USP47: variants seen among roughly 807,000 people sequenced by gnomAD.
USP47 encodes the protein ubiquitin carboxyl-terminal hydrolase 47.
In USP47, 35 loss-of-function variants were observed where a neutral mutation model predicts 165.1. That is an observed-to-expected ratio of 0.21 (90% CI 0.16 to 0.28). USP47 has a LOEUF of 0.28. Among genes scored for constraint, USP47 ranks in the 10% least tolerant of loss-of-function variants. The pLI, the probability that USP47 is intolerant of heterozygous loss-of-function variation, is 1.00. For missense variants in USP47, 1,277 were observed against 1,607.4 expected (o/e 0.79, Z 3.52); for synonymous variants, 531 against 544.5 (o/e 0.98, Z 0.35).
chr11:11,934,302 G>A (rs188481310), intron 16 of USP47, among the ~76,000 whole-genome samples: 5 of 152,260 alleles, frequency 3.3e-5, no homozygotes, highest in Admixed American at 1.3e-4. Context: ...TGAACAAGGC[G>A]TGGTCACTGC....
chr11:11,897,534 T>G, intron 4 of USP47, 63 bp from the exon 5 acceptor site: 1 of 1,189,444 alleles, frequency 8.4e-7, no homozygotes, highest in Non-Finnish European at 1.2e-6. Context: ...TAAATTCTTA[T>G]TATGTTTTTG....
At chr11:11,887,340 T>C (rs1324567154) in intron 3 of USP47, among the ~76,000 whole-genome samples, 3 of 152,108 alleles carry the variant, frequency 2.0e-5, no homozygotes, top group Non-Finnish European at 2.9e-5. Context: ...ACCCATCTCA[T>C]GTGCAAAGAC....
At chr11:11,860,805 A>G (rs907472900) in intron 1 of USP47, among the ~76,000 whole-genome samples, 2 of 152,220 alleles carry the variant, frequency 1.3e-5, no homozygotes, top group African/African-American at 2.4e-5. Context: ...TACCTACAGT[A>G]TATTATCAGT....
At chr11:11,854,251 A>G (rs1172093029) in intron 1 of USP47, among the ~76,000 whole-genome samples, 1 of 147,204 alleles carries the variant, frequency 6.8e-6, no homozygotes, top group Non-Finnish European at 1.5e-5. Flanking sequence ...TGGCATTTGA[A>G]AAATTCTGCT....
intron 1 of USP47, among the ~76,000 whole-genome samples, chr11:11,842,837 CT>C (rs1564846895): frequency 8.4e-6 from 1 of 119,544 alleles, no homozygotes; most frequent in East Asian, 2.7e-4. Flanking sequence ...GAGAGCTGAA[CT>C]CTTTTTTTTT....
chr11:11,842,262 G>A, intron 1 of USP47, 38 bp downstream of exon 1: 1 of 1,547,492 alleles, frequency 6.5e-7, no homozygotes, highest in Non-Finnish European at 8.7e-7. Flanking sequence ...TTAGGCCTGC[G>A]GCCGCTCGAG....
Position 11,930,641 on chromosome 11 carries a change from G to A in USP47, c.1596-55G>A, listed in dbSNP as rs7113259. On this transcript the variant is annotated intron_variant, in intron 13 of 27. Transcript: ENST00000527733. ...ATTTAAATATTTCATGCTTAGAAGTGGAATCTTTTTAATCTACTTTTTGTC... is the reference window on the plus strand; with the variant it reads ...ATTTAAATATTTCATGCTTAGAAGTAGAATCTTTTTAATCTACTTTTTGTC... 9,808 of 1,277,468 alleles carry A rather than the reference G, an allele frequency of 7.7e-3. 148 individuals are homozygous for A. The highest frequency in any genetic ancestry group is 0.055 in the African/African-American group (3,628 of 66,018). The allele number at this position is 1,277,468 out of a possible 1,614,324, so 79.1% of individuals were successfully genotyped here.
Position 11,878,037 on chromosome 11 carries a change from C to T in USP47, c.40-2140C>T, listed in dbSNP as rs374217142. On this transcript the variant is annotated intron_variant, in intron 1 of 27. Coordinates refer to ENST00000527733, the MANE Select transcript of USP47 (RefSeq NM_001282659.2). Reference sequence around the variant, plus strand: ...CTATTACTAAAAAGAATATAAGCCACACATGAGATTGAATTTTGTTTTTTT... The same window carrying T: ...CTATTACTAAAAAGAATATAAGCCATACATGAGATTGAATTTTGTTTTTTT... Among the ~76,000 whole-genome samples, 13 of 151,930 alleles carry T rather than the reference C, an allele frequency of 8.6e-5. No homozygotes were observed. The South Asian group carries it at 2.7e-3, about 32-fold the overall frequency.
In USP47 at chr11:11,919,045, G is replaced by T. The variant is rs996344621; in HGVS notation, c.970-1111G>T. 7.2e-5 allele frequency among the ~76,000 whole-genome samples: 5 copies of T among 69,452 alleles called. No individual in the cohort carries two copies. The Admixed American group carries it at 1.0e-3, about 14-fold the overall frequency. The allele number at this position is 69,452 out of a possible 152,430, so 45.6% of individuals were successfully genotyped here. On this transcript the variant is annotated intron_variant, in intron 8 of 27. Transcript: ENST00000527733. ...ATGTGGAAAAAAACCCAGCCGTTTGGTTTCTTCACTTGTTTCCTTGTGTTC... is the reference window on the plus strand; with the variant it reads ...ATGTGGAAAAAAACCCAGCCGTTTGTTTTCTTCACTTGTTTCCTTGTGTTC...
At chr11:11,888,302 A>G (rs1351945118) in intron 3 of USP47, among the ~76,000 whole-genome samples, 1 of 152,158 alleles carries the variant, frequency 6.6e-6, no homozygotes, top group African/African-American at 2.4e-5. Flanking sequence ...AAAATTAATA[A>G]AATAGATAAA....
At chr11:11,892,127 A>G (rs1244535507) in intron 4 of USP47, 21 bp downstream of exon 4, 15 of 1,607,730 alleles carry the variant, frequency 9.3e-6, no homozygotes, top group Non-Finnish European at 1.3e-5. Flanking sequence ...TTGTATTTTC[A>G]TAAAATCATA....
intron 8 of USP47, among the ~76,000 whole-genome samples, chr11:11,911,234 T>C (rs1852956913): frequency 6.6e-6 from 1 of 152,142 alleles, no homozygotes; most frequent in Admixed American, 6.5e-5. Flanking sequence ...CTTATGGGAC[T>C]ATAACAAAAG....
chr11:11,860,350 G>A (rs1210485856), intron 1 of USP47, among the ~76,000 whole-genome samples: 2 of 151,920 alleles, frequency 1.3e-5, no homozygotes, highest in Admixed American at 6.6e-5. Context: ...GGATTACACA[G>A]CTAGAAGAAA....
chr11:11,950,076 T>A, intron 23 of USP47, 72 bp downstream of exon 23: 1 of 1,122,084 alleles, frequency 8.9e-7, no homozygotes, highest in Admixed American at 2.4e-5. Context: ...CTGGTATGAT[T>A]TTCTAAAACT....
chr11:11,861,243 T>G (rs920773688), intron 1 of USP47, among the ~76,000 whole-genome samples: 7 of 152,146 alleles, frequency 4.6e-5, no homozygotes, highest in African/African-American at 1.7e-4. Flanking sequence ...TACAGGCATG[T>G]GCCACCATGC....
chr11:11,892,043 T>C lies in USP47; in HGVS notation c.433T>C (p.Ser145Pro). The change falls in exon 4 of 28, where the codon TCT becomes CCT. Residue 145 changes from serine (S) to proline (P), a missense_variant. Coordinates refer to ENST00000527733, the MANE Select transcript of USP47 (RefSeq NM_001282659.2). ...GCTTCCAAGAGAAGGTTCTGGGGGT[T>C]CTACCAGTGATTATGTCAGCCAAAG... is the stretch of plus-strand genomic sequence containing the variant. ...GPLPREGSGGSTSDYVSQSYS... is the reference protein window; with the variant it reads ...GPLPREGSGGPTSDYVSQSYS... 1.2e-6 allele frequency: 2 copies of C among 1,613,970 alleles called. No individual in the cohort carries two copies. The highest frequency in any genetic ancestry group is 1.7e-6 in the Non-Finnish European group (2 of 1,179,898).
intron 1 of USP47, among the ~76,000 whole-genome samples, chr11:11,849,441 C>T (rs1452867635): frequency 1.3e-5 from 2 of 152,076 alleles, no homozygotes; most frequent in African/African-American, 4.8e-5. Flanking sequence ...GGTATGCTGC[C>T]AAATATTCTT....
chr11:11,924,874 G>T (rs1854118851), intron 11 of USP47, among the ~76,000 whole-genome samples: 1 of 152,008 alleles, frequency 6.6e-6, no homozygotes, highest in Non-Finnish European at 1.5e-5. Context: ...CCTAATTAGA[G>T]ATTTACCAAT....
chr11:11,935,300 G>A (rs1854975954), intron 16 of USP47, among the ~76,000 whole-genome samples: 1 of 151,774 alleles, frequency 6.6e-6, no homozygotes. Context: ...ACTCTTCCCT[G>A]GTATATAGAA....
Sources: allele counts gnomAD v4.1 joint callset (sites outside exome capture counted in the v4.1 genomes callset), GRCh38; gene constraint gnomAD v4.1.1; transcripts MANE v1.5; gene names NCBI Gene and HGNC (gene_info 2026-07-23, HGNC 2026-07-21).